The following UBE2R2 variants were observed in gnomAD, a reference collection of about 807,000 sequenced individuals.
UBE2R2 encodes ubiquitin conjugating enzyme E2 R2.
A neutral mutation model predicts 27.8 loss-of-function variants in UBE2R2; 1 was observed. The ratio of observed to expected loss-of-function variants is 0.04; its 90% CI spans 0.01 to 0.17. The LOEUF (loss-of-function observed/expected upper bound fraction) is 0.17. UBE2R2 is among the 10% of genes least tolerant of loss of function. UBE2R2 has a pLI of 1.00. For synonymous variants in UBE2R2, 106 were observed against 113.3 expected (o/e 0.94, Z 0.41); for missense variants, 100 against 291.0 (o/e 0.34, Z 4.78).
chr9:33,903,229 T>C (rs2130812662), intron 3 of UBE2R2, among the ~76,000 whole-genome samples: 1 of 152,336 alleles, frequency 6.6e-6, no homozygotes, highest in Admixed American at 6.5e-5. Context: ...ATAAAAGTTT[T>C]TAAAAAATAT....
At chr9:33,860,993 C>G (rs1821221683) in intron 1 of UBE2R2, among the ~76,000 whole-genome samples, 1 of 148,874 alleles carries the variant, frequency 6.7e-6, no homozygotes, top group Non-Finnish European at 1.5e-5. Flanking sequence ...GAGTCTCGCT[C>G]TGTCCCCCAG....
chr9:33,874,963 C>T (rs927913858), intron 1 of UBE2R2, among the ~76,000 whole-genome samples: 4 of 151,908 alleles, frequency 2.6e-5, no homozygotes, highest in Non-Finnish European at 4.4e-5. Flanking sequence ...CCACTGTACC[C>T]GGCCTCAAAA....
intron 1 of UBE2R2, among the ~76,000 whole-genome samples, chr9:33,837,982 T>C (rs903922986): frequency 6.6e-6 from 1 of 152,176 alleles, no homozygotes; most frequent in African/African-American, 2.4e-5. Flanking sequence ...GTTTTATGTA[T>C]GTGTAATTAT....
At chr9:33,873,174 TAAAAAAA>T (rs540364601) in intron 1 of UBE2R2, among the ~76,000 whole-genome samples, 2 of 109,182 alleles carry the variant, frequency 1.8e-5, no homozygotes, top group African/African-American at 7.0e-5. Context: ...GACTCCGTCT[TAAAAAAA>T]AAAAAAAAAA....
chr9:33,908,564 G>T (rs1016732933), intron 3 of UBE2R2, among the ~76,000 whole-genome samples: 2 of 152,198 alleles, frequency 1.3e-5, no homozygotes, highest in African/African-American at 4.8e-5. Flanking sequence ...ATATTAGTCT[G>T]CTGTATTACT....
chr9:33,886,439 A>G (rs976140418), intron 1 of UBE2R2, among the ~76,000 whole-genome samples: 4 of 151,918 alleles, frequency 2.6e-5, no homozygotes, highest in Non-Finnish European at 1.5e-5. Context: ...GGTGGATCAC[A>G]AGGTCAAGAG....
intron 1 of UBE2R2, among the ~76,000 whole-genome samples, chr9:33,853,406 C>G (rs1228656481): frequency 6.6e-6 from 1 of 150,984 alleles, no homozygotes; most frequent in Admixed American, 6.6e-5. Flanking sequence ...TCTGCCTCAG[C>G]CTCCTGAATA....
chr9:33,911,717 C>T (rs959523557), intron 3 of UBE2R2, among the ~76,000 whole-genome samples: 2 of 152,188 alleles, frequency 1.3e-5, no homozygotes, highest in African/African-American at 4.8e-5. Flanking sequence ...TCTGCTTTGC[C>T]TGCCAGTTAG....
intron 1 of UBE2R2, 67 bp downstream of exon 1, chr9:33,818,001 C>T: frequency 1.9e-6 from 3 of 1,560,680 alleles, no homozygotes; most frequent in East Asian, 5.0e-5. Context: ...CCGCTTTCTG[C>T]AGTTCCTGGG....
At chr9:33,821,755 A>G (rs1225700908) in intron 1 of UBE2R2, among the ~76,000 whole-genome samples, 1 of 151,720 alleles carries the variant, frequency 6.6e-6, no homozygotes, top group African/African-American at 2.4e-5. Flanking sequence ...AGCTGGGATT[A>G]CCGGCGTGCG....
chr9:33,918,826 G>A lies in UBE2R2; in HGVS notation c.*1589G>A, dbSNP rs1331544525. ...AAAGGGCAGATTAGGGACGGGGCAG[G>A]AGGGATCCTAGGATGGCCAGAGTAG... On this transcript the variant is annotated 3_prime_UTR_variant, in exon 5 of 5. Coordinates refer to ENST00000263228, the MANE Select transcript of UBE2R2 (RefSeq NM_017811.4). 1 of 152,618 alleles carries A rather than the reference G, an allele frequency of 6.6e-6. No homozygotes were observed. The highest frequency in any genetic ancestry group is 1.5e-5 in the Non-Finnish European group (1 of 68,042). The allele number at this position is 152,618 out of a possible 1,614,324, so 9.5% of individuals were successfully genotyped here.
intron 1 of UBE2R2, among the ~76,000 whole-genome samples, chr9:33,856,624 T>C (rs557236720): frequency 1.3e-4 from 20 of 152,262 alleles, no homozygotes; most frequent in Middle Eastern, 6.8e-3. Flanking sequence ...ATTTTAACTA[T>C]ATATAAATAC....
chr9:33,830,986 C>T (rs1328501925), intron 1 of UBE2R2: 4 of 149,032 alleles, frequency 2.7e-5, no homozygotes, highest in East Asian at 2.0e-4. Flanking sequence ...TAGGCTGGTC[C>T]GAGTGCAGTG....
chr9:33,819,942 G>C (rs1437771307), intron 1 of UBE2R2, among the ~76,000 whole-genome samples: 1 of 152,196 alleles, frequency 6.6e-6, no homozygotes, highest in African/African-American at 2.4e-5. Context: ...CGGCCATGAT[G>C]CCTTTTCTGA....
intron 3 of UBE2R2, among the ~76,000 whole-genome samples, chr9:33,907,835 TG>T (rs1822393217): frequency 7.3e-6 from 1 of 137,726 alleles, no homozygotes; most frequent in African/African-American, 2.7e-5. Flanking sequence ...GTTTTGTTGT[TG>T]TTTTTTTTTA....
chr9:33,869,648 C>T (rs936987844), intron 1 of UBE2R2, among the ~76,000 whole-genome samples: 1 of 151,914 alleles, frequency 6.6e-6, no homozygotes, highest in South Asian at 2.1e-4. Context: ...GGGGTTTTCA[C>T]CATGTTGGCC....
intron 1 of UBE2R2, among the ~76,000 whole-genome samples, chr9:33,843,511 CTA>C (rs1293780240): frequency 6.6e-6 from 1 of 151,334 alleles, no homozygotes; most frequent in East Asian, 1.9e-4. Context: ...TGGAGTCTGG[CTA>C]TGTCTCCCAG....
chr9:33,918,556 C>T lies in UBE2R2; in HGVS notation c.*1319C>T, dbSNP rs1822714372. On this transcript the variant is annotated 3_prime_UTR_variant, in exon 5 of 5. Transcript: ENST00000263228. Reference sequence around the variant, plus strand: ...CAGCTTTGATTTTCCAGATCTCAATCGTGTTGCTTCAATCAATATTGAGAT... The same window carrying T: ...CAGCTTTGATTTTCCAGATCTCAATTGTGTTGCTTCAATCAATATTGAGAT... 6.6e-6 allele frequency: 1 copy of T among 152,066 alleles called. No individual in the cohort carries two copies. Among genetic ancestry groups the T allele is most frequent in the Admixed American group, 6.6e-5 (1 of 15,242 alleles). 9.4% of individuals were successfully genotyped at this position (152,066 alleles called of 1,614,324 possible).
At chr9:33,905,677 A>G (rs927005409) in intron 3 of UBE2R2, among the ~76,000 whole-genome samples, 2 of 152,198 alleles carry the variant, frequency 1.3e-5, no homozygotes, top group African/African-American at 4.8e-5. Flanking sequence ...ATATTTTACC[A>G]TCAGTTGCCC....
Sources: gnomAD v4.1 joint callset for allele counts (sites outside exome capture counted in the v4.1 genomes callset) on GRCh38, gnomAD v4.1.1 for gene constraint, MANE v1.5 for transcripts, NCBI Gene and HGNC (gene_info 2026-07-23, HGNC 2026-07-21) for gene names.